Variants in ROBO1 observed in about 807,000 individuals in gnomAD.
ROBO1 encodes the protein roundabout guidance receptor 1.
Under a neutral mutation model 195.9 loss-of-function variants are expected in ROBO1, and 149 were observed. That is an observed-to-expected ratio of 0.76 (90% CI 0.67 to 0.87). The LOEUF (loss-of-function observed/expected upper bound fraction) is 0.87. ROBO1 is among the 40% of genes least tolerant of loss of function. The pLI is 0.00. For missense variants in ROBO1, 1,933 were observed against 2,068.3 expected, an observed-to-expected ratio of 0.93 and a Z score of 1.27; for synonymous variants, 816 against 733.2, an observed-to-expected ratio of 1.11 and a Z score of -1.82.
intron 3 of ROBO1, among the ~76,000 whole-genome samples, chr3:78,953,492 C>G (rs914815615): frequency 6.6e-6 from 1 of 151,798 alleles, no homozygotes; most frequent in African/African-American, 2.4e-5. Context: ...ATTGGCAGCA[C>G]AAAGAAATAT....
chr3:79,372,887 TA>T (rs1337643807), intron 2 of ROBO1, among the ~76,000 whole-genome samples: 2 of 150,978 alleles, frequency 1.3e-5, no homozygotes, highest in African/African-American at 2.5e-5. Flanking sequence ...TAAAAACTAG[TA>T]TTTTTTTTTT....
At chr3:79,268,420 C>T (rs947811780) in intron 2 of ROBO1, among the ~76,000 whole-genome samples, 4 of 151,602 alleles carry the variant, frequency 2.6e-5, no homozygotes, top group East Asian at 1.9e-4. Context: ...AAATAATCTG[C>T]CCCTTTCTGT....
chr3:79,547,054 G>A (rs1330868120), intron 2 of ROBO1, among the ~76,000 whole-genome samples: 4 of 151,516 alleles, frequency 2.6e-5, no homozygotes, highest in African/African-American at 9.7e-5. Flanking sequence ...GCGTGGTGGC[G>A]GGTGCCTCTA....
At chr3:79,557,743 A>AAAATATATATATATATATATATATAT (rs1472319919) in intron 2 of ROBO1, among the ~76,000 whole-genome samples, 1 of 130,834 alleles carries the variant, frequency 7.6e-6, no homozygotes. Context: ...AACAAAAAAA[A>AAAATATATATATATATATATATATAT]ATATATATAT....
chr3:78,956,757 C>A (rs889367704), intron 3 of ROBO1, among the ~76,000 whole-genome samples: 1 of 152,130 alleles, frequency 6.6e-6, no homozygotes, highest in Non-Finnish European at 1.5e-5. Flanking sequence ...AAGCAGAAAT[C>A]CACAAGGGAA....
intron 4 of ROBO1, among the ~76,000 whole-genome samples, chr3:78,786,730 C>T (rs1202706169): frequency 6.6e-6 from 1 of 152,134 alleles, no homozygotes; most frequent in Non-Finnish European, 1.5e-5. Context: ...TGTGCCTTTG[C>T]CCCTCCTTTG....
rs189436538 is a variant in ROBO1 at position 79,274,311 on chromosome 3, A to G, written c.89-148772T>C. 2.1e-4 allele frequency among the ~76,000 whole-genome samples: 32 copies of G among 152,150 alleles called. No homozygotes were observed. In the East Asian group the frequency reaches 5.6e-3, roughly 27 times the overall value. ...GCTATGTCAAATATCTTCTCTGACC[A>G]CAATGGAATAAAACTAGAAATCAAT... On this transcript the variant is annotated intron_variant, in intron 2 of 30. Transcript: ENST00000464233.
intron 2 of ROBO1, among the ~76,000 whole-genome samples, chr3:79,241,030 T>A (rs1559758237): frequency 6.6e-6 from 1 of 152,162 alleles, no homozygotes; most frequent in African/African-American, 2.4e-5. Flanking sequence ...TTCTGACAAA[T>A]GAAAGAAATA....
intron 2 of ROBO1, among the ~76,000 whole-genome samples, chr3:79,220,459 T>C (rs2082118829): frequency 1.3e-5 from 2 of 152,074 alleles, no homozygotes; most frequent in Non-Finnish European, 1.5e-5. Context: ...AGCTGAAATA[T>C]CCATTTCTAT....
intron 2 of ROBO1, among the ~76,000 whole-genome samples, chr3:79,169,323 A>C (rs997813201): frequency 6.6e-6 from 1 of 152,148 alleles, no homozygotes; most frequent in Non-Finnish European, 1.5e-5. Flanking sequence ...GGAAGCACAG[A>C]TTTCTTGTCG....
chr3:78,679,861 C>A (rs538999789), intron 10 of ROBO1, among the ~76,000 whole-genome samples: 3 of 152,038 alleles, frequency 2.0e-5, no homozygotes, highest in Non-Finnish European at 2.9e-5. Flanking sequence ...CAAAAAAGAG[C>A]CCGCATCGCC....
At position 78,965,788 on chromosome 3, in the gene ROBO1, T is replaced by C. The variant is rs2076629194; in HGVS notation, c.173-26861A>G. 2.6e-5 allele frequency among the ~76,000 whole-genome samples: 4 copies of C among 152,180 alleles called. No individual in the cohort carries two copies. The South Asian group carries it at 8.3e-4, about 32-fold the overall frequency. Reference sequence around the variant, plus strand: ...ATAACAATTATACTGGAGCAAAAATTCTGGGTTCTTACCCTCTAATCCAGC... The same window carrying C: ...ATAACAATTATACTGGAGCAAAAATCCTGGGTTCTTACCCTCTAATCCAGC... On this transcript the variant is annotated intron_variant, in intron 3 of 30. Transcript: ENST00000464233.
intron 2 of ROBO1, among the ~76,000 whole-genome samples, chr3:79,199,593 A>G (rs1052792402): frequency 6.9e-6 from 1 of 145,524 alleles, no homozygotes; most frequent in African/African-American, 2.7e-5. Flanking sequence ...TAACTTTAAA[A>G]CCCAATTACC....
At chr3:79,384,205 T>A (rs973892551) in intron 2 of ROBO1, among the ~76,000 whole-genome samples, 1 of 152,048 alleles carries the variant, frequency 6.6e-6, no homozygotes, top group Non-Finnish European at 1.5e-5. Flanking sequence ...TTTCTTAAAG[T>A]TGATACTATA....
At chr3:79,505,558 C>A (rs1940345818) in intron 2 of ROBO1, among the ~76,000 whole-genome samples, 2 of 152,148 alleles carry the variant, frequency 1.3e-5, no homozygotes, top group South Asian at 2.1e-4. Context: ...ATTTTAGCAT[C>A]TGAAAACCAA....
chr3:79,743,321 A>G (rs373937236), intron 1 of ROBO1, among the ~76,000 whole-genome samples: 2 of 152,338 alleles, frequency 1.3e-5, no homozygotes, highest in African/African-American at 4.8e-5. Flanking sequence ...ATTTGTGTAT[A>G]TAAACATATC....
At chr3:79,068,987 T>G (rs1278804626) in intron 3 of ROBO1, among the ~76,000 whole-genome samples, 1 of 151,874 alleles carries the variant, frequency 6.6e-6, no homozygotes, top group African/African-American at 2.4e-5. Flanking sequence ...TTTAGATTCT[T>G]TTGTTTCTCT....
chr3:79,641,862 T>C (rs1400221256), intron 1 of ROBO1, among the ~76,000 whole-genome samples: 1 of 151,894 alleles, frequency 6.6e-6, no homozygotes, highest in Non-Finnish European at 1.5e-5. Context: ...TATAAAAATA[T>C]ACAAAACTTA....
At chr3:78,822,505 A>T (rs1401683610) in intron 4 of ROBO1, among the ~76,000 whole-genome samples, 1 of 152,194 alleles carries the variant, frequency 6.6e-6, no homozygotes, top group East Asian at 1.9e-4. Context: ...CTAGAGAATG[A>T]GCTTTTCTGA....
Sources: gnomAD v4.1 joint callset for allele counts (sites outside exome capture counted in the v4.1 genomes callset) on GRCh38, gnomAD v4.1.1 for gene constraint, MANE v1.5 for transcripts, NCBI Gene and HGNC (gene_info 2026-07-23, HGNC 2026-07-21) for gene names.